Variants in VTI1A observed in about 807,000 individuals in gnomAD.
VTI1A encodes the protein vesicle transport through interaction with t-SNAREs homolog 1A.
VTI1A carries 22 observed loss-of-function variants against 34.9 expected under a neutral mutation model. That is an observed-to-expected ratio of 0.63 (90% CI 0.45 to 0.90). The LOEUF (loss-of-function observed/expected upper bound fraction) is 0.90. Among genes scored for constraint, VTI1A ranks in the 40% least tolerant of loss-of-function variants. The pLI is 0.00. For missense variants in VTI1A, 268 were observed against 275.6 expected, an observed-to-expected ratio of 0.97 and a Z score of 0.20; for synonymous variants, 87 against 97.3, an observed-to-expected ratio of 0.89 and a Z score of 0.62.
At chr10:112,780,514 C>G (rs187207439) in intron 7 of VTI1A, among the ~76,000 whole-genome samples, 1 of 151,998 alleles carries the variant, frequency 6.6e-6, no homozygotes, top group African/African-American at 2.4e-5. Context: ...TTGCTTCTTG[C>G]AGAAGGCGTT....
At position 112,662,139 on chromosome 10, in the gene VTI1A, A is replaced by G. The variant is rs191993347; in HGVS notation, c.428-6079A>G. ...ACATGACTAGGTGTGGTTTTTATTT[A>G]TTTCTCTTGCTCAGAGGTTGTTAAA... is the stretch of plus-strand genomic sequence containing the variant. On this transcript the variant is annotated intron_variant, in intron 5 of 7. Coordinates refer to ENST00000393077, the MANE Select transcript of VTI1A (RefSeq NM_145206.4). Among the ~76,000 whole-genome samples, 4 of 152,146 alleles carry G rather than the reference A, an allele frequency of 2.6e-5. No individual in the cohort carries two copies. In the East Asian group the frequency reaches 7.7e-4, roughly 29 times the overall value.
chr10:112,765,903 C>G (rs898836848), intron 7 of VTI1A, among the ~76,000 whole-genome samples: 1 of 152,298 alleles, frequency 6.6e-6, no homozygotes. Context: ...CCTGGAGAAG[C>G]TGTGGTCTAG....
intron 7 of VTI1A, among the ~76,000 whole-genome samples, chr10:112,669,494 A>C (rs1292272991): frequency 6.6e-6 from 1 of 152,194 alleles, no homozygotes; most frequent in South Asian, 2.1e-4. Flanking sequence ...TTATCTGAAT[A>C]ATATGTGCTA....
chr10:112,472,513 G>C (rs565676748), intron 3 of VTI1A, among the ~76,000 whole-genome samples: 1 of 151,144 alleles, frequency 6.6e-6, no homozygotes, highest in African/African-American at 2.4e-5. Flanking sequence ...GAGTTTATGA[G>C]TAAAGCCAGT....
At chr10:112,524,499 A>G (rs1221946326) in intron 3 of VTI1A, among the ~76,000 whole-genome samples, 2 of 152,130 alleles carry the variant, frequency 1.3e-5, no homozygotes, top group Non-Finnish European at 2.9e-5. Context: ...TTACCATCCC[A>G]ATGGTGAAGA....
intron 7 of VTI1A, among the ~76,000 whole-genome samples, chr10:112,701,125 T>C (rs1374451102): frequency 6.6e-6 from 1 of 152,264 alleles, no homozygotes; most frequent in Non-Finnish European, 1.5e-5. Flanking sequence ...TGAGTCTGAA[T>C]GGCATTTTTC....
At chr10:112,596,571 AT>A (rs1211778147) in intron 5 of VTI1A, among the ~76,000 whole-genome samples, 1 of 152,172 alleles carries the variant, frequency 6.6e-6, no homozygotes, top group African/African-American at 2.4e-5. Flanking sequence ...TAAAAACAAA[AT>A]TGCTGGGCTG....
intron 3 of VTI1A, among the ~76,000 whole-genome samples, chr10:112,506,020 T>C (rs747091374): frequency 6.6e-6 from 1 of 152,148 alleles, no homozygotes; most frequent in Admixed American, 6.6e-5. Context: ...TAATAATAGG[T>C]ATGTATATAC....
At chr10:112,538,388 C>A in intron 5 of VTI1A, 58 bp downstream of exon 5, 1 of 1,493,486 alleles carries the variant, frequency 6.7e-7, no homozygotes, top group Non-Finnish European at 9.3e-7. Flanking sequence ...CTTCACAACA[C>A]ATGACATTTC....
chr10:112,680,868 G>A (rs1335728601), intron 7 of VTI1A, among the ~76,000 whole-genome samples: 2 of 152,094 alleles, frequency 1.3e-5, no homozygotes, highest in Non-Finnish European at 2.9e-5. Context: ...GCAGCTTCAA[G>A]GTAATAGCTC....
chr10:112,849,100 A>T, the VTI1A span, among the ~76,000 whole-genome samples: 1 of 152,332 alleles, frequency 6.6e-6, no homozygotes, highest in Middle Eastern at 3.4e-3. Flanking sequence ...AAGCAGCCTT[A>T]GAAGGCACAA....
intron 7 of VTI1A, among the ~76,000 whole-genome samples, chr10:112,771,698 A>G (rs1391561114): frequency 1.3e-5 from 2 of 152,146 alleles, no homozygotes; most frequent in Non-Finnish European, 2.9e-5. Context: ...CCTTTTAGCT[A>G]TATCTTCAAT....
At chr10:112,591,248 T>C (rs1299509827) in intron 5 of VTI1A, among the ~76,000 whole-genome samples, 1 of 152,126 alleles carries the variant, frequency 6.6e-6, no homozygotes. Flanking sequence ...TGACCGGGCG[T>C]GGTGGCTCAC....
rs1363526523 is a variant in VTI1A, at chr10:112,816,563, G to C, written c.*1180G>C. On this transcript the variant is annotated 3_prime_UTR_variant, in exon 8 of 8. Transcript: ENST00000393077. ...TTTCTTTCATTTCTTTCTGTCTGAG[G>C]TAACCAGGAATTGCGTTCAAAATGA... is the stretch of plus-strand genomic sequence containing the variant. The C allele has an allele frequency of 4.4e-6, 1 of 225,218 alleles. No homozygotes were observed. The highest frequency in any genetic ancestry group is 8.8e-6 in the Non-Finnish European group (1 of 113,132). The allele number at this position is 225,218 out of a possible 1,614,324, so 14.0% of individuals were successfully genotyped here. A position where few individuals can be genotyped will look rare whatever the true frequency, so the allele number is the denominator to read the frequency against.
chr10:112,769,689 T>C (rs1260862343), intron 7 of VTI1A, among the ~76,000 whole-genome samples: 1 of 152,164 alleles, frequency 6.6e-6, no homozygotes, highest in Non-Finnish European at 1.5e-5. Flanking sequence ...TGCATCCCAT[T>C]GTTCTGCCTA....
chr10:112,702,674 C>G (rs548753614), intron 7 of VTI1A, among the ~76,000 whole-genome samples: 1 of 152,048 alleles, frequency 6.6e-6, no homozygotes, highest in Non-Finnish European at 1.5e-5. Flanking sequence ...GCCACCTCTG[C>G]CTATGGGTTC....
intron 7 of VTI1A, among the ~76,000 whole-genome samples, chr10:112,699,276 C>T (rs1365879222): frequency 6.6e-6 from 1 of 152,210 alleles, no homozygotes; most frequent in Non-Finnish European, 1.5e-5. Context: ...GACGGTGTGG[C>T]TTAAGCAAGG....
chr10:112,497,659 G>T (rs890710168), intron 3 of VTI1A, among the ~76,000 whole-genome samples: 1 of 152,104 alleles, frequency 6.6e-6, no homozygotes, highest in African/African-American at 2.4e-5. Flanking sequence ...TCTAAATTAG[G>T]CCAAACTTTC....
intron 1 of VTI1A, among the ~76,000 whole-genome samples, chr10:112,454,804 C>G (rs930895625): frequency 3.3e-5 from 5 of 151,394 alleles, no homozygotes; most frequent in African/African-American, 1.2e-4. Context: ...TTCAGGACAA[C>G]AGACCCACCC....
Sources: allele counts gnomAD v4.1 joint callset (sites outside exome capture counted in the v4.1 genomes callset), GRCh38; gene constraint gnomAD v4.1.1; transcripts MANE v1.5; gene names NCBI Gene and HGNC (gene_info 2026-07-23, HGNC 2026-07-21).